Variants in BTBD19 observed in about 807,000 individuals in gnomAD.
BTBD19 encodes BTB domain containing 19.
In BTBD19, 20 loss-of-function variants were observed where a neutral mutation model predicts 36.1. That is an observed-to-expected ratio of 0.55 (90% CI 0.39 to 0.80). The LOEUF is 0.80. Among genes scored for constraint, BTBD19 ranks in the 30% least tolerant of loss-of-function variants. The probability of loss-of-function intolerance (pLI) is 0.00; values close to 1 mark genes in which losing one functional copy is unlikely to be tolerated. For missense variants in BTBD19, 325 were observed against 389.8 expected, an observed-to-expected ratio of 0.83 and a Z score of 1.40; for synonymous variants, 157 against 174.3, an observed-to-expected ratio of 0.90 and a Z score of 0.78.
At chr1:44,814,154 C>CTTTCTTTCTT (rs1652588637), downstream of BTBD19, 1 of 100,726 alleles carries the variant, frequency 9.9e-6, no homozygotes. Context: ...CTTTCTCTTT[C>CTTTCTTTCTT]TTTCTTTCTT....
chr1:44,813,762 C>G lies in BTBD19; in HGVS notation c.866C>G (p.Ser289Cys). The G allele has an allele frequency of 6.4e-7, 1 of 1,551,448 alleles. No homozygotes were observed. The highest frequency in any genetic ancestry group is 8.7e-7 in the Non-Finnish European group (1 of 1,146,846). Residue 289 changes from serine (S) to cysteine (C), a missense_variant, in exon 8 of 8, where the codon TCC becomes TGC. Transcript: ENST00000450269. The surrounding 1 kb of genome is among the most constrained non-coding windows in gnomAD (Gnocchi z 7.8). Reference sequence around the variant, plus strand: ...GAGCATCACCGCTTTCTGGACCTGTCCTTCAAATGATCCAACGCCGGGACT... The same window carrying G: ...GAGCATCACCGCTTTCTGGACCTGTGCTTCAAATGATCCAACGCCGGGACT...
downstream of BTBD19, chr1:44,814,150 CTT>C (rs1295043422): frequency 1.5e-4 from 10 of 67,282 alleles, no homozygotes; most frequent in East Asian, 1.2e-3. Flanking sequence ...TTTTCTTTCT[CTT>C]TCTTTCTTTC....
downstream of BTBD19, chr1:44,814,207 T>TTTCTTTCC (rs1491454409): frequency 6.9e-6 from 1 of 144,156 alleles, no homozygotes; most frequent in Admixed American, 7.2e-5. Flanking sequence ...TCTTTCTTTC[T>TTTCTTTCC]TTCTTTTTCT....
chr1:44,811,057 T>C (rs1369891636), intron 3 of BTBD19, among the ~76,000 whole-genome samples: 3 of 151,988 alleles, frequency 2.0e-5, no homozygotes, highest in Non-Finnish European at 4.4e-5. Context: ...CCATCTCTAC[T>C]AAAAGCACAA....
rs1314761993 is a variant in BTBD19, at chr1:44,810,110, A to C, written c.87-103A>C. The C allele has an allele frequency of 4.7e-6, 5 of 1,054,724 alleles. No homozygotes were observed. The highest frequency in any genetic ancestry group is 7.0e-6 in the Non-Finnish European group (5 of 714,570). 65.3% of individuals were successfully genotyped at this position (1,054,724 alleles called of 1,614,324 possible). On this transcript the variant is annotated intron_variant, in intron 1 of 7. Coordinates refer to ENST00000450269, the Ensembl canonical transcript of BTBD19. This position sits in a 1 kb window ranked among gnomAD's most constrained non-coding sequence, Gnocchi z 4.2. Reference sequence around the variant, plus strand: ...GGAGGGACGAAGCCCTGTCTCTTACATTCTGGTTAGGAAACTAAGACCCAG... The same window carrying C: ...GGAGGGACGAAGCCCTGTCTCTTACCTTCTGGTTAGGAAACTAAGACCCAG...
At chr1:44,811,597 AG>A in intron 3 of BTBD19, 1 of 187,064 alleles carries the variant, frequency 5.3e-6, no homozygotes, top group South Asian at 9.7e-5. Flanking sequence ...TTGGAAACTC[AG>A]GGGAGAAGGG....
exon 8 of BTBD19, chr1:44,814,011 T>A: frequency 1.6e-6 from 1 of 621,370 alleles, no homozygotes; most frequent in Non-Finnish European, 2.8e-6. Context: ...GGGGTGAAAC[T>A]CGAAAACGAG....
chr1:44,814,931 G>C (rs961852198), downstream of BTBD19: 1 of 152,098 alleles, frequency 6.6e-6, no homozygotes, highest in Non-Finnish European at 1.5e-5. Context: ...CAGGCTCGGC[G>C]AGAAATTGAT....
rs1573623182 is a variant in BTBD19 at position 44,810,102 on chromosome 1, T to A, written c.87-111T>A. 9.3e-6 allele frequency: 9 copies of A among 964,532 alleles called. No homozygotes were observed. Among genetic ancestry groups the A allele is most frequent in the Non-Finnish European group, 1.4e-5 (9 of 636,368 alleles). 59.7% of individuals were successfully genotyped at this position (964,532 alleles called of 1,614,324 possible). A position where few individuals can be genotyped will look rare whatever the true frequency, so the allele number is the denominator to read the frequency against. On this transcript the variant is annotated intron_variant, in intron 1 of 7. Transcript: ENST00000450269. The surrounding 1 kb of genome is among the most constrained non-coding windows in gnomAD (Gnocchi z 4.2). ...CTTCTGCTGGAGGGACGAAGCCCTG[T>A]CTCTTACATTCTGGTTAGGAAACTA... is the stretch of plus-strand genomic sequence containing the variant.
exon 1 of BTBD19, chr1:44,808,898 G>A (rs1036060244): frequency 6.4e-5 from 99 of 1,549,390 alleles, no homozygotes; most frequent in South Asian, 1.1e-4. Context: ...TCAACAACCC[G>A]CGATACAGGT....
chr1:44,813,360 G>A lies in BTBD19; in HGVS notation c.616-14G>A. ...CGGCAGGACAGGTGCCCGACTCAGG[G>A]CTGGCGTTTGCAGGCGGTGCTGGAG... On this transcript the variant is annotated splice_polypyrimidine_tract_variant and intron_variant, in intron 6 of 7. Transcript: ENST00000450269. The surrounding 1 kb of genome is among the most constrained non-coding windows in gnomAD (Gnocchi z 7.8). 1 of 1,544,988 alleles carries A rather than the reference G, an allele frequency of 6.5e-7. No homozygotes were observed. The highest frequency in any genetic ancestry group is 1.4e-5 in the African/African-American group (1 of 73,174).
At position 44,813,079 on chromosome 1, in the gene BTBD19, A is replaced by G. The variant is rs1292178230; in HGVS notation, c.483+15A>G. 3.2e-6 allele frequency: 5 copies of G among 1,549,890 alleles called. No individual in the cohort carries two copies. Among genetic ancestry groups the G allele is most frequent in the Non-Finnish European group, 4.4e-6 (5 of 1,145,724 alleles). On this transcript the variant is annotated intron_variant, in intron 5 of 7. Transcript: ENST00000450269. This position sits in a 1 kb window ranked among gnomAD's most constrained non-coding sequence, Gnocchi z 7.8. ...CCCACAGCCAGGTACTGCTCCCTTC[A>G]TACTCCTCACCCTACGCACCGCATT... is the stretch of plus-strand genomic sequence containing the variant.
exon 1 of BTBD19, chr1:44,808,746 C>T (rs938937494): frequency 4.9e-5 from 54 of 1,110,116 alleles, no homozygotes; most frequent in Non-Finnish European, 6.7e-5. Flanking sequence ...CCTCTCAGGC[C>T]TTGCTAACCT....
In BTBD19 at chr1:44,810,202, G is replaced by A. The variant is rs965278521; in HGVS notation, c.87-11G>A. 1.4e-5 allele frequency: 21 copies of A among 1,549,238 alleles called. No individual in the cohort carries two copies. Among genetic ancestry groups the A allele is most frequent in the Non-Finnish European group, 1.7e-5 (20 of 1,144,828 alleles). ...CCTCCTCCCCGCTGCCTCTCTGCCT[G>A]TCTCCCACAGTGATGTTTGCTTCGT... On this transcript the variant is annotated splice_polypyrimidine_tract_variant and intron_variant, in intron 1 of 7. Transcript: ENST00000450269. This position sits in a 1 kb window ranked among gnomAD's most constrained non-coding sequence, Gnocchi z 4.2.
chr1:44,808,652 A>C lies in BTBD19; in HGVS notation c.-169A>C. 2.1e-6 allele frequency: 1 copy of C among 475,140 alleles called. No homozygotes were observed. Among genetic ancestry groups the C allele is most frequent in the Non-Finnish European group, 3.8e-6 (1 of 264,612 alleles). 29.4% of individuals were successfully genotyped at this position (475,140 alleles called of 1,614,324 possible). A position where few individuals can be genotyped will look rare whatever the true frequency, so the allele number is the denominator to read the frequency against. The stretch of plus-strand genomic sequence containing the variant: ...CCTGTCCCCGAGCCTCTGGCCTCTG[A>C]TGCCTTCAGGAGCTTGGGCCTCTCC... On this transcript the variant is annotated 5_prime_UTR_variant, in exon 1 of 8. The change abolishes an upstream ATG in the 5' untranslated region. Transcript: ENST00000450269.
rs777194603 is a variant in BTBD19, at chr1:44,813,658, G to C, written c.762G>C (p.Ala254=). Residue 254 remains alanine (A), a synonymous_variant, in exon 8 of 8, where the codon GCG becomes GCC. Transcript: ENST00000450269. This position sits in a 1 kb window ranked among gnomAD's most constrained non-coding sequence, Gnocchi z 7.8. ...TGCAGGTGGAGCAGATTGTGGAGGCGTGGAAATGCCATGCCCTGCGGAGAG... is the reference window on the plus strand; with the variant it reads ...TGCAGGTGGAGCAGATTGTGGAGGCCTGGAAATGCCATGCCCTGCGGAGAG... 6.4e-7 allele frequency: 1 copy of C among 1,550,962 alleles called. No individual in the cohort carries two copies. Among genetic ancestry groups the C allele is most frequent in the Admixed American group, 2.0e-5 (1 of 50,992 alleles).
chr1:44,812,437 G>A (rs1040717687), intron 4 of BTBD19: 11 of 454,810 alleles, frequency 2.4e-5, no homozygotes, highest in African/African-American at 8.0e-5. Flanking sequence ...CAGGCACAAC[G>A]GCTCACACCT....
At chr1:44,808,714 G>A (rs1652250817) in exon 1 of BTBD19, 1 of 752,834 alleles carries the variant, frequency 1.3e-6, no homozygotes, top group South Asian at 2.0e-5. Flanking sequence ...CAGCAAACAG[G>A]CCTCCCAAGT....
At chr1:44,812,959 C>A (rs1652494497) in intron 4 of BTBD19, 37 bp from the exon 5 acceptor site, 1 of 1,518,264 alleles carries the variant, frequency 6.6e-7, no homozygotes, top group South Asian at 1.2e-5. Flanking sequence ...TACGGCCTCT[C>A]CAGTCTCCAA....
Sources: gnomAD v4.1 joint callset for allele counts (sites outside exome capture counted in the v4.1 genomes callset) on GRCh38, gnomAD v4.1.1 for gene constraint, Gnocchi (gnomAD v3.1) non-coding constraint, MANE v1.5 for transcripts, NCBI Gene and HGNC (gene_info 2026-07-23, HGNC 2026-07-21) for gene names.